DYNC2I1: variants seen among roughly 807,000 people sequenced by gnomAD.
The protein encoded by DYNC2I1 is dynein 2 intermediate chain 1.
DYNC2I1 carries 89 observed loss-of-function variants against 133.4 expected under a neutral mutation model. That is an observed-to-expected ratio of 0.67 (90% CI 0.56 to 0.80). The LOEUF (loss-of-function observed/expected upper bound fraction) is 0.80. Among genes scored for constraint, DYNC2I1 ranks in the 30% least tolerant of loss-of-function variants. The pLI, the probability that DYNC2I1 is intolerant of heterozygous loss-of-function variation, is 0.00. For synonymous variants in DYNC2I1, 504 were observed against 484.3 expected (o/e 1.04, Z -0.54); for missense variants, 1,291 against 1,314.5 (o/e 0.98, Z 0.28).
At chr7:158,862,550 C>G (rs1434932352) in intron 1 of DYNC2I1, among the ~76,000 whole-genome samples, 1 of 81,128 alleles carries the variant, frequency 1.2e-5, no homozygotes, top group South Asian at 4.5e-4. Flanking sequence ...GACCCTATCT[C>G]TTAAAAAAAA....
intron 5 of DYNC2I1, among the ~76,000 whole-genome samples, chr7:158,881,797 C>T (rs796092603): frequency 6.6e-6 from 1 of 152,140 alleles, no homozygotes; most frequent in Non-Finnish European, 1.5e-5. Context: ...AAAACTTCAT[C>T]ATTTTCTCCC....
intron 15 of DYNC2I1, among the ~76,000 whole-genome samples, chr7:158,919,368 G>T (rs1215860183): frequency 1.3e-5 from 2 of 152,208 alleles, no homozygotes; most frequent in Admixed American, 6.6e-5. Context: ...GGGAAGCAAA[G>T]CCCAGGATCT....
chr7:158,947,977 C>T (rs1331371104), downstream of DYNC2I1, among the ~76,000 whole-genome samples: 5 of 152,168 alleles, frequency 3.3e-5, no homozygotes, highest in African/African-American at 4.8e-5. Context: ...ATGTGAAGTT[C>T]GTGAAGAAAG....
Position 158,914,201 on chromosome 7 carries a change from T to G in DYNC2I1, c.1703-32T>G, listed in dbSNP as rs189764459. ...AATGCATGATTATTTTAGAGTCGACTTCGTTGATTTTATATAAACTGTTTT... is the reference window on the plus strand; with the variant it reads ...AATGCATGATTATTTTAGAGTCGACGTCGTTGATTTTATATAAACTGTTTT... On this transcript the variant is annotated intron_variant, in intron 13 of 24. Transcript: ENST00000407559. 3.8e-6 allele frequency: 6 copies of G among 1,566,398 alleles called. No homozygotes were observed. The Admixed American group carries it at 1.1e-4, about 29-fold the overall frequency.
chr7:158,911,054 C>A (rs911662668), intron 11 of DYNC2I1, among the ~76,000 whole-genome samples: 5 of 152,132 alleles, frequency 3.3e-5, no homozygotes, highest in South Asian at 2.1e-4. Context: ...GGGCGGAGGG[C>A]GATTGGAGCG....
intron 24 of DYNC2I1, among the ~76,000 whole-genome samples, chr7:158,942,506 T>G (rs140827462): frequency 5.7e-4 from 87 of 152,354 alleles, no homozygotes; most frequent in Non-Finnish European, 1.0e-3. Context: ...TAAAATCACT[T>G]TAAAGTGTGA....
chr7:158,913,082 C>T lies in DYNC2I1; in HGVS notation c.1688C>T (p.Thr563Ile). The T allele has an allele frequency of 6.2e-7, 1 of 1,612,242 alleles. No homozygotes were observed. Among genetic ancestry groups the T allele is most frequent in the Non-Finnish European group, 8.5e-7 (1 of 1,178,738 alleles). The change falls in exon 13 of 25, where the codon ACT becomes ATT. Residue 563 changes from threonine to isoleucine, a missense_variant. By Grantham distance (89) the Thr-to-Ile change is moderately conservative. Transcript: ENST00000407559. ...EVWTQHPGES[T>I]VVSGGSEQRD... Reference sequence around the variant, plus strand: ...TGGACCCAGCACCCGGGAGAAAGTACTGTTGTATCTGGAGGTAACATCTTG... The same window carrying T: ...TGGACCCAGCACCCGGGAGAAAGTATTGTTGTATCTGGAGGTAACATCTTG...
chr7:158,893,518 A>G (rs1845438673), intron 8 of DYNC2I1, among the ~76,000 whole-genome samples: 1 of 152,172 alleles, frequency 6.6e-6, no homozygotes. Context: ...AAGGTGTTTA[A>G]TATCTCATAT....
intron 4 of DYNC2I1, among the ~76,000 whole-genome samples, chr7:158,952,454 C>G (rs971741212): frequency 6.6e-6 from 1 of 152,176 alleles, no homozygotes; most frequent in African/African-American, 2.4e-5. Context: ...AGGCCTCTTC[C>G]GTGGCTGAGA....
At chr7:158,886,325 G>T (rs1844600994) in intron 6 of DYNC2I1, among the ~76,000 whole-genome samples, 1 of 151,746 alleles carries the variant, frequency 6.6e-6, no homozygotes, top group Admixed American at 6.6e-5. Flanking sequence ...GTAGAGATGG[G>T]GTTTCTCCAT....
intron 21 of DYNC2I1, among the ~76,000 whole-genome samples, chr7:158,932,618 G>A (rs1850336793): frequency 6.6e-6 from 1 of 152,192 alleles, no homozygotes. Flanking sequence ...ATTGCAGCAC[G>A]TTGAGCCGAG....
chr7:158,938,504 T>C (rs1254113988), intron 23 of DYNC2I1, among the ~76,000 whole-genome samples: 1 of 152,166 alleles, frequency 6.6e-6, no homozygotes, highest in African/African-American at 2.4e-5. Flanking sequence ...ACGCCTGTAA[T>C]CGCAGCACTT....
chr7:158,911,754 T>G, intron 12 of DYNC2I1, 75 bp downstream of exon 12: 1 of 1,490,468 alleles, frequency 6.7e-7, no homozygotes, highest in Non-Finnish European at 9.0e-7. Flanking sequence ...TCTTCCTGAA[T>G]AATGTTCTGC....
Position 158,887,075 on chromosome 7 carries a change from G to A in DYNC2I1, c.990G>A (p.Lys330=), listed in dbSNP as rs1307826561. Residue 330 remains lysine, a splice_region_variant and synonymous_variant, in exon 7 of 25, where the codon AAG becomes AAA. Coordinates refer to ENST00000407559, the MANE Select transcript of DYNC2I1 (RefSeq NM_018051.5). The part of the protein sequence containing the change: ...NHGKDKDSRR[K]HGHEEGSSVW... ...GAAAAGATAAAGATTCAAGACGGAA[G>A]GTAAGGCAGTCTCCACTGAGAATAC... 1.2e-6 allele frequency: 2 copies of A among 1,613,476 alleles called. No individual in the cohort carries two copies. The highest frequency in any genetic ancestry group is 2.2e-5 in the South Asian group (2 of 91,044).
chr7:158,910,725 C>T (rs969523787), intron 11 of DYNC2I1, among the ~76,000 whole-genome samples: 2 of 144,796 alleles, frequency 1.4e-5, no homozygotes, highest in Non-Finnish European at 3.0e-5. Flanking sequence ...GGGCGGAGGA[C>T]GATTAGAGGG....
intron 4 of DYNC2I1, among the ~76,000 whole-genome samples, chr7:158,954,149 C>T (rs539383974): frequency 5.3e-4 from 80 of 152,310 alleles, no homozygotes; most frequent in East Asian, 2.1e-3. Context: ...CCTTGGAAGA[C>T]GTGCCTTTGC....
chr7:158,889,739 C>T (rs1001842696), intron 7 of DYNC2I1, among the ~76,000 whole-genome samples: 5 of 152,058 alleles, frequency 3.3e-5, no homozygotes, highest in Non-Finnish European at 7.4e-5. Flanking sequence ...CATGGTAGCT[C>T]AGGCCTGTAA....
At position 158,866,125 on chromosome 7, in the gene DYNC2I1, A is replaced by G. The variant is rs148110857; in HGVS notation, c.16-3730A>G. Among the ~76,000 whole-genome samples the G allele has an allele frequency of 1.1e-3, 172 of 152,166 alleles. 2 individuals carry two copies. The highest frequency in any genetic ancestry group is 3.9e-3 in the African/African-American group (163 of 41,520). ...GTTAACCATTAAGAAACCCCACTGG[A>G]TGGGTTTTGTGACATACTTACTTTT... is the stretch of plus-strand genomic sequence containing the variant. On this transcript the variant is annotated intron_variant, in intron 1 of 24. Transcript: ENST00000407559.
chr7:158,918,305 TCTTTCTGCCCTGTCAAATC>T (rs756026311), intron 14 of DYNC2I1, among the ~76,000 whole-genome samples: 58 of 152,246 alleles, frequency 3.8e-4, no homozygotes, highest in Non-Finnish European at 7.6e-4. Context: ...CCCAATCTTC[TCTTTCTGCCCTGTCAAATC>T]CTAAGGATGA....
Sources: allele counts gnomAD v4.1 joint callset (sites outside exome capture counted in the v4.1 genomes callset), GRCh38; gene constraint gnomAD v4.1.1; transcripts MANE v1.5; gene names NCBI Gene and HGNC (gene_info 2026-07-23, HGNC 2026-07-21).